PRKN: variants seen among roughly 807,000 people sequenced by gnomAD.
PRKN encodes parkin RBR E3 ubiquitin protein ligase.
Under a neutral mutation model 59.5 loss-of-function variants are expected in PRKN, and 56 were observed. The ratio of observed to expected loss-of-function variants is 0.94; its 90% CI spans 0.76 to 1.18. The LOEUF (loss-of-function observed/expected upper bound fraction) is 1.18. Among genes scored for constraint, PRKN ranks in the 50% most tolerant of loss-of-function variants. The probability of loss-of-function intolerance (pLI) is 0.00; values close to 1 mark genes in which losing one functional copy is unlikely to be tolerated. For missense variants in PRKN, 657 were observed against 596.4 expected (o/e 1.10, Z -1.06); for synonymous variants, 250 against 222.1 (o/e 1.13, Z -1.12).
In PRKN at chr6:161,701,807, G is replaced by A. The variant is rs550645975; in HGVS notation, c.871+83965C>T. Among the ~76,000 whole-genome samples, 71 of 152,136 alleles carry A rather than the reference G, an allele frequency of 4.7e-4. 1 individual carries two copies. In the Middle Eastern group the frequency reaches 0.02, roughly 44 times the overall value. On this transcript the variant is annotated intron_variant, in intron 7 of 11. Transcript: ENST00000366898. Reference sequence around the variant, plus strand: ...TTACAAGTCATTATGTTCATTCTACGTCTCAAACATATTATGGGAACAGAA... The same window carrying A: ...TTACAAGTCATTATGTTCATTCTACATCTCAAACATATTATGGGAACAGAA...
chr6:162,518,568 T>C (rs531601130), intron 1 of PRKN, among the ~76,000 whole-genome samples: 1 of 152,256 alleles, frequency 6.6e-6, no homozygotes. Context: ...GGTTTTACCA[T>C]GTTGGCCAGG....
At position 162,398,036 on chromosome 6, in the gene PRKN, CAA is replaced by C. The variant is rs10707854; in HGVS notation, c.171+45272_171+45273del. 1.9e-3 allele frequency among the ~76,000 whole-genome samples: 157 copies of C among 83,710 alleles called. 1 individual carries two copies. The highest frequency in any genetic ancestry group is 4.3e-3 in the African/African-American group (125 of 29,022). 54.9% of individuals were successfully genotyped at this position (83,710 alleles called of 152,430 possible). ...TGGGTGACAGAGCAGGATTCTGACT[CAA>C]AAAAAAAAAAAAAAAAGAAAGATTT... On this transcript the variant is annotated intron_variant, in intron 2 of 11. Coordinates refer to ENST00000366898, the MANE Select transcript of PRKN (RefSeq NM_004562.3).
At chr6:162,197,069 CA>C (rs1349404528) in intron 4 of PRKN, among the ~76,000 whole-genome samples, 3 of 152,124 alleles carry the variant, frequency 2.0e-5, no homozygotes, top group African/African-American at 7.2e-5. Flanking sequence ...ACATGCTGCT[CA>C]CCTATAACTA....
chr6:162,426,208 A>G (rs1054472107), intron 2 of PRKN, among the ~76,000 whole-genome samples: 1 of 152,200 alleles, frequency 6.6e-6, no homozygotes, highest in African/African-American at 2.4e-5. Context: ...GTAATATAAC[A>G]ACGTAGTATT....
intron 4 of PRKN, among the ~76,000 whole-genome samples, chr6:162,090,182 AT>A (rs1331119357): frequency 6.6e-6 from 1 of 151,920 alleles, no homozygotes. Flanking sequence ...GTGTGTGTGT[AT>A]CAGATCATTA....
At position 161,499,318 on chromosome 6, in the gene PRKN, A is replaced by G. The variant is rs1401566385; in HGVS notation, c.1083+49536T>C. ...CATTACACATAAATGTCTGTTGCAT[A>G]TAGGGAAATATTTCTGTCCCATGTC... On this transcript the variant is annotated intron_variant, in intron 9 of 11. Transcript: ENST00000366898. The surrounding 1 kb of genome is among the most constrained non-coding windows in gnomAD (Gnocchi z 4.2). Among the ~76,000 whole-genome samples the G allele has an allele frequency of 6.6e-6, 1 of 152,206 alleles. No individual in the cohort carries two copies. The highest frequency in any genetic ancestry group is 2.4e-5 in the African/African-American group (1 of 41,450).
intron 3 of PRKN, among the ~76,000 whole-genome samples, chr6:162,211,473 T>G (rs984217000): frequency 6.6e-6 from 1 of 152,208 alleles, no homozygotes; most frequent in Non-Finnish European, 1.5e-5. Flanking sequence ...AATTTCTTTT[T>G]TATTTTTACA....
rs184930718 is a variant in PRKN, at chr6:161,430,910, C to T, written c.1084-44033G>A. On this transcript the variant is annotated intron_variant, in intron 9 of 11. Coordinates refer to ENST00000366898, the MANE Select transcript of PRKN (RefSeq NM_004562.3). Reference sequence around the variant, plus strand: ...CAGCACTTTGGGAGGTCAAGGCAGGCGGATCACCTGAGGTCAGAAGTTCGA... The same window carrying T: ...CAGCACTTTGGGAGGTCAAGGCAGGTGGATCACCTGAGGTCAGAAGTTCGA... Among the ~76,000 whole-genome samples the T allele has an allele frequency of 4.6e-3, 688 of 149,708 alleles. 5 individuals are homozygous for T. The highest frequency in any genetic ancestry group is 0.016 in the African/African-American group (647 of 40,666).
chr6:161,355,751 C>G lies in PRKN; in HGVS notation c.1285+4337G>C, dbSNP rs1391482614. Among the ~76,000 whole-genome samples the G allele has an allele frequency of 6.6e-6, 1 of 152,166 alleles. No individual in the cohort carries two copies. Among genetic ancestry groups the G allele is most frequent in the Non-Finnish European group, 1.5e-5 (1 of 68,036 alleles). ...AGCAAATATTTTTTGTCCGGGCTCT[C>G]TTCTGGGATTGGAGCCTAGACGGTC... is the stretch of plus-strand genomic sequence containing the variant. On this transcript the variant is annotated intron_variant, in intron 11 of 11. Transcript: ENST00000366898. This position sits in a 1 kb window ranked among gnomAD's most constrained non-coding sequence, Gnocchi z 6.8.
intron 6 of PRKN, among the ~76,000 whole-genome samples, chr6:161,792,398 A>G (rs111256414): frequency 3.9e-5 from 6 of 152,332 alleles, no homozygotes; most frequent in African/African-American, 1.4e-4. Flanking sequence ...CCTGAGGTCA[A>G]GAGAAAAGAA....
chr6:162,215,811 C>T (rs1454013855), intron 3 of PRKN, among the ~76,000 whole-genome samples: 1 of 152,050 alleles, frequency 6.6e-6, no homozygotes, highest in Non-Finnish European at 1.5e-5. Context: ...TTTGGGAGGG[C>T]AAGGTGGGTG....
At chr6:161,398,751 C>A (rs550392424) in intron 9 of PRKN, among the ~76,000 whole-genome samples, 1 of 152,296 alleles carries the variant, frequency 6.6e-6, no homozygotes, top group South Asian at 2.1e-4. Flanking sequence ...TCACAGAGTT[C>A]ACAGTCAGCT....
At chr6:161,776,137 A>G (rs1423757081) in intron 7 of PRKN, among the ~76,000 whole-genome samples, 3 of 152,216 alleles carry the variant, frequency 2.0e-5, no homozygotes, top group African/African-American at 4.8e-5. Flanking sequence ...GACAAGAAGT[A>G]AGTGCATTTT....
At chr6:162,206,699 C>T (rs755410065) in intron 3 of PRKN, among the ~76,000 whole-genome samples, 86 of 152,122 alleles carry the variant, frequency 5.7e-4, no homozygotes, top group Admixed American at 1.6e-3. Flanking sequence ...TTTCTGGACC[C>T]GGGACAGGGA....
At chr6:161,734,929 T>TTTAA (rs1344625240) in intron 7 of PRKN, among the ~76,000 whole-genome samples, 1 of 152,114 alleles carries the variant, frequency 6.6e-6, no homozygotes, top group Non-Finnish European at 1.5e-5. Context: ...ATAATTTCCT[T>TTTAA]TTAATTAAAC....
intron 7 of PRKN, among the ~76,000 whole-genome samples, chr6:161,632,925 AT>A (rs2128155357): frequency 6.6e-6 from 1 of 152,298 alleles, no homozygotes; most frequent in East Asian, 1.9e-4. Flanking sequence ...ACACATGGGG[AT>A]AATGGGAAGT....
chr6:162,612,895 T>C (rs1782255435), intron 1 of PRKN, among the ~76,000 whole-genome samples: 1 of 152,158 alleles, frequency 6.6e-6, no homozygotes, highest in African/African-American at 2.4e-5. Flanking sequence ...ATCATTCAAT[T>C]GTAGGTTTGC....
chr6:162,360,098 G>A (rs761742683), intron 2 of PRKN, among the ~76,000 whole-genome samples: 9 of 151,624 alleles, frequency 5.9e-5, no homozygotes, highest in Non-Finnish European at 1.0e-4. Flanking sequence ...TGTGTGGGTG[G>A]GTGTGGGTGT....
chr6:161,980,608 C>A (rs1301255990), intron 5 of PRKN, among the ~76,000 whole-genome samples: 1 of 152,198 alleles, frequency 6.6e-6, no homozygotes, highest in African/African-American at 2.4e-5. Flanking sequence ...ATTGGAGTCA[C>A]CACAGCTCTG....
Sources: allele counts gnomAD v4.1 joint callset (sites outside exome capture counted in the v4.1 genomes callset), GRCh38; gene constraint gnomAD v4.1.1; non-coding constraint Gnocchi (gnomAD v3.1); transcripts MANE v1.5; gene names NCBI Gene and HGNC (gene_info 2026-07-23, HGNC 2026-07-21).